GPD2: variants seen among roughly 807,000 people sequenced by gnomAD.
The protein encoded by GPD2 is glycerol-3-phosphate dehydrogenase 2.
A neutral mutation model predicts 82.4 loss-of-function variants in GPD2; 54 were observed. The observed-to-expected ratio is 0.66, with a 90% CI of 0.53 to 0.82. The LOEUF (loss-of-function observed/expected upper bound fraction) is 0.82. Among genes scored for constraint, GPD2 ranks in the 40% least tolerant of loss-of-function variants. GPD2 has a pLI of 0.00. For synonymous variants in GPD2, 288 were observed against 306.1 expected (o/e 0.94, Z 0.62); for missense variants, 748 against 896.2 (o/e 0.83, Z 2.11).
intron 6 of GPD2, among the ~76,000 whole-genome samples, chr2:156,531,954 T>C (rs1685877957): frequency 6.6e-6 from 1 of 152,026 alleles, no homozygotes; most frequent in Non-Finnish European, 1.5e-5. Flanking sequence ...ATAGGGGTTA[T>C]AGATTTATGT....
At chr2:156,533,308 T>C (rs1245252365) in intron 6 of GPD2, among the ~76,000 whole-genome samples, 1 of 152,232 alleles carries the variant, frequency 6.6e-6, no homozygotes, top group East Asian at 1.9e-4. Flanking sequence ...AGTCTTTTTC[T>C]CCTCCATCAA....
chr2:156,400,754 A>C, the GPD2 span, among the ~76,000 whole-genome samples: 7 of 152,348 alleles, frequency 4.6e-5, no homozygotes, highest in South Asian at 2.1e-4. Flanking sequence ...GACACCAGAA[A>C]TATGCTTTCG....
intron 1 of GPD2, among the ~76,000 whole-genome samples, chr2:156,465,353 CTTTCTTTCTTTTT>C (rs1250532920): frequency 1.5e-4 from 3 of 20,678 alleles, no homozygotes; most frequent in Non-Finnish European, 1.0e-3. Context: ...TTCTTTCTTT[CTTTCTTTCTTTTT>C]TTTTTTTTTT....
chr2:156,525,656 C>T (rs770008072), intron 6 of GPD2, among the ~76,000 whole-genome samples: 2 of 152,086 alleles, frequency 1.3e-5, no homozygotes, highest in Admixed American at 1.3e-4. Context: ...TTTTCAGTTT[C>T]GTTGTTGAAT....
chr2:156,542,923 G>A (rs964344522), intron 6 of GPD2, among the ~76,000 whole-genome samples: 1 of 152,108 alleles, frequency 6.6e-6, no homozygotes, highest in Non-Finnish European at 1.5e-5. Context: ...TTAGAATGAA[G>A]TTCCATAGGA....
At chr2:156,420,233 G>A in the GPD2 span, among the ~76,000 whole-genome samples, 1,762 of 151,886 alleles carry the variant, frequency 0.012, 25 homozygotes, top group Non-Finnish European at 0.014. Flanking sequence ...ATGCAGTGGC[G>A]TGATCTCGGC....
rs1263604204 is a variant in GPD2 at position 156,569,481 on chromosome 2, A to G, written c.1419A>G (p.Lys473=). The change falls in exon 11 of 17, where the codon AAA becomes AAG. Residue 473 remains lysine, a synonymous_variant. Transcript: ENST00000438166. ...RTVGLFLQGG[K]DWSPTLYIRL... ...TTGGGCTTTTCCTTCAAGGGGGTAA[A>G]GATTGGAGCCCCACACTCTACATTA... 8 of 1,613,198 alleles carry G rather than the reference A, an allele frequency of 5.0e-6. No individual in the cohort carries two copies. The highest frequency in any genetic ancestry group is 6.8e-6 in the Non-Finnish European group (8 of 1,179,426).
intron 1 of GPD2, among the ~76,000 whole-genome samples, chr2:156,459,089 T>C (rs2105171169): frequency 6.6e-6 from 1 of 152,284 alleles, no homozygotes; most frequent in South Asian, 2.1e-4. Context: ...TTTCTACTTG[T>C]CCGTTACCCC....
chr2:156,577,620 G>A (rs540305469), intron 13 of GPD2, among the ~76,000 whole-genome samples: 190 of 152,266 alleles, frequency 1.2e-3, no homozygotes, highest in Non-Finnish European at 2.2e-3. Flanking sequence ...CTTCACACTG[G>A]CACTGTTCTT....
At chr2:156,552,354 T>C (rs1220126967) in intron 8 of GPD2, among the ~76,000 whole-genome samples, 1 of 152,158 alleles carries the variant, frequency 6.6e-6, no homozygotes, top group Non-Finnish European at 1.5e-5. Flanking sequence ...AGGAGAGAAA[T>C]AAATATATGA....
chr2:156,423,585 T>C, the GPD2 span, among the ~76,000 whole-genome samples: 2 of 152,244 alleles, frequency 1.3e-5, no homozygotes, highest in African/African-American at 4.8e-5. Flanking sequence ...CTTATGGTAA[T>C]TATTGTTTCA....
intron 1 of GPD2, among the ~76,000 whole-genome samples, chr2:156,437,514 G>A (rs1681983892): frequency 6.6e-6 from 1 of 152,142 alleles, no homozygotes; most frequent in South Asian, 2.1e-4. Flanking sequence ...ACCTTGTGAT[G>A]TGGATGTTGA....
In GPD2 at chr2:156,569,528, T is replaced by A. The variant is rs1233227680; in HGVS notation, c.1466T>A (p.Leu489His). The change falls in exon 11 of 17, where the codon CTT (leucine) becomes CAT (histidine). Residue 489 changes from leucine to histidine, a missense_variant. Coordinates refer to ENST00000438166, the MANE Select transcript of GPD2 (RefSeq NM_000408.5). ...LYIRLVQDYG[L>H]ESEVAQHLAA... is the part of the protein sequence containing the mutation. The stretch of plus-strand genomic sequence containing the variant: ...ATTAGGCTTGTGCAGGATTATGGAC[T>A]TGAAAGCGAGGTGAGTGTGCATTGC... 2.5e-6 allele frequency: 4 copies of A among 1,612,396 alleles called. No homozygotes were observed. The highest frequency in any genetic ancestry group is 3.4e-6 in the Non-Finnish European group (4 of 1,178,588).
chr2:156,457,684 G>A (rs1415537223), intron 1 of GPD2, among the ~76,000 whole-genome samples: 1 of 152,206 alleles, frequency 6.6e-6, no homozygotes, highest in African/African-American at 2.4e-5. Context: ...CAAAGTGCTG[G>A]TTAGGCCAAA....
intron 2 of GPD2, among the ~76,000 whole-genome samples, chr2:156,481,503 A>C (rs74631564): frequency 6.7e-4 from 102 of 151,744 alleles, no homozygotes; most frequent in African/African-American, 2.2e-3. Flanking sequence ...TCTACTCTCT[A>C]TTTCTATGAG....
At chr2:156,476,604 A>G (rs1435333438) in intron 2 of GPD2, among the ~76,000 whole-genome samples, 2 of 152,234 alleles carry the variant, frequency 1.3e-5, no homozygotes, top group African/African-American at 4.8e-5. Context: ...GGAAAAGAAA[A>G]GGCCCAACTG....
intron 9 of GPD2, among the ~76,000 whole-genome samples, chr2:156,567,399 T>C (rs969659608): frequency 1.3e-5 from 2 of 152,114 alleles, no homozygotes; most frequent in African/African-American, 2.4e-5. Flanking sequence ...AGGGTCCACC[T>C]TCATTCTTTC....
chr2:156,481,639 ATTCTTT>A (rs1255342729), intron 2 of GPD2, among the ~76,000 whole-genome samples: 2 of 148,000 alleles, frequency 1.4e-5, no homozygotes, highest in Non-Finnish European at 3.0e-5. Flanking sequence ...ACAGGATTTC[ATTCTTT>A]TTCTTTTTTT....
chr2:156,530,884 G>A (rs1006930061), intron 6 of GPD2, among the ~76,000 whole-genome samples: 8 of 152,102 alleles, frequency 5.3e-5, no homozygotes, highest in African/African-American at 1.9e-4. Flanking sequence ...TAGAGACAGT[G>A]CCTCACTTTG....
Sources: gnomAD v4.1 joint callset for allele counts (sites outside exome capture counted in the v4.1 genomes callset) on GRCh38, gnomAD v4.1.1 for gene constraint, MANE v1.5 for transcripts, NCBI Gene and HGNC (gene_info 2026-07-23, HGNC 2026-07-21) for gene names.